Variants in EML5 observed in about 807,000 individuals in gnomAD.
The protein encoded by EML5 is echinoderm microtubule-associated protein-like 5.
In EML5, 120 loss-of-function variants were observed where a neutral mutation model predicts 250.0. That is an observed-to-expected ratio of 0.48 (90% CI 0.41 to 0.56). EML5 has a LOEUF of 0.56. EML5 is among the 20% of genes least tolerant of loss of function. The probability of loss-of-function intolerance (pLI) is 0.00; values close to 1 mark genes in which losing one functional copy is unlikely to be tolerated. For missense variants in EML5, 2,006 were observed against 2,437.6 expected (o/e 0.82, Z 3.73); for synonymous variants, 771 against 806.5 (o/e 0.96, Z 0.75).
rs931855973 is a variant in EML5, at chr14:88,620,610, A to G, written c.5375+144T>C. ...AAGAAGAATTAAGTAGTATACAAAC[A>G]GCCATATTTTAGCATACAATTTATA... On this transcript the variant is annotated intron_variant, in intron 39 of 43. Coordinates refer to ENST00000554922, the MANE Select transcript of EML5 (RefSeq NM_183387.3). This position sits in a 1 kb window ranked among gnomAD's most constrained non-coding sequence, Gnocchi z 4.3. 3 of 646,144 alleles carry G rather than the reference A, an allele frequency of 4.6e-6. No homozygotes were observed. The African/African-American group carries it at 5.7e-5, about 12-fold the overall frequency. The allele number at this position is 646,144 out of a possible 1,614,324, so 40.0% of individuals were successfully genotyped here.
chr14:88,639,001 T>C (rs1392328427), intron 31 of EML5, 94 bp from the exon 32 acceptor site: 29 of 917,590 alleles, frequency 3.2e-5, no homozygotes, highest in Non-Finnish European at 4.4e-5. Context: ...TTTAACTTAT[T>C]TGCTTATTCA....
At chr14:88,751,337 C>G (rs563763382) in intron 2 of EML5, among the ~76,000 whole-genome samples, 12 of 152,086 alleles carry the variant, frequency 7.9e-5, no homozygotes, top group Non-Finnish European at 1.3e-4. Flanking sequence ...GAGTCAGAGA[C>G]AGTTTGTAGA....
intron 7 of EML5, among the ~76,000 whole-genome samples, chr14:88,729,610 G>A (rs762355260): frequency 6.6e-5 from 10 of 151,218 alleles, no homozygotes; most frequent in Non-Finnish European, 1.5e-4. Flanking sequence ...CACCCAGGCT[G>A]TAGTGCTGGC....
At position 88,726,629 on chromosome 14, in the gene EML5, C is replaced by A; in HGVS notation, c.1099G>T (p.Glu367Ter). Residue 367 changes from glutamate to a stop codon, truncating the protein, a stop_gained, in exon 8 of 44, where the codon GAA becomes TAA. Transcript: ENST00000554922. LOFTEE classifies it high-confidence loss of function. ...TTGACAGCTGCACAACGAATTGGTT[C>A]TTCCATATTACACCTTGCTATTAAT... ...HALIARCNME[E>*]PIRCAAVNAD... 6.4e-7 allele frequency: 1 copy of A among 1,573,944 alleles called. No homozygotes were observed. Among genetic ancestry groups the A allele is most frequent in the Non-Finnish European group, 8.6e-7 (1 of 1,157,962 alleles).
intron 26 of EML5, 105 bp downstream of exon 26, chr14:88,658,082 T>C: frequency 4.4e-6 from 5 of 1,139,014 alleles, no homozygotes; most frequent in Non-Finnish European, 6.3e-6. Flanking sequence ...ACAGTACCAC[T>C]ACAATTATTC....
At chr14:88,747,619 G>C (rs974653085) in intron 2 of EML5, among the ~76,000 whole-genome samples, 4 of 152,022 alleles carry the variant, frequency 2.6e-5, no homozygotes, top group Admixed American at 2.0e-4. Flanking sequence ...TAAAATTAAG[G>C]ATTCAAAATA....
At chr14:88,693,109 ATTT>A (rs1217849889) in intron 17 of EML5, among the ~76,000 whole-genome samples, 8 of 152,146 alleles carry the variant, frequency 5.3e-5, no homozygotes, top group South Asian at 2.1e-4. Flanking sequence ...CATATGAGTA[ATTT>A]TTTTTAATTT....
At chr14:88,642,211 A>G (rs1262682330) in intron 31 of EML5, among the ~76,000 whole-genome samples, 1 of 152,178 alleles carries the variant, frequency 6.6e-6, no homozygotes, top group Non-Finnish European at 1.5e-5. Context: ...TAACTTTCAG[A>G]CTTTTATGAA....
intron 10 of EML5, among the ~76,000 whole-genome samples, chr14:88,706,930 T>C (rs1160771219): frequency 1.3e-5 from 2 of 152,202 alleles, no homozygotes; most frequent in Middle Eastern, 3.2e-3. Flanking sequence ...AAAAAGTCAA[T>C]CAATGTAATG....
At chr14:88,647,346 C>T (rs762344389) in intron 28 of EML5, among the ~76,000 whole-genome samples, 19 of 150,722 alleles carry the variant, frequency 1.3e-4, no homozygotes, top group Admixed American at 7.3e-4. Flanking sequence ...GCAGCCTGGG[C>T]GACAGAGCAC....
rs529726648 is a variant in EML5, at chr14:88,701,352, A to G, written c.2238+1094T>C. 3.3e-5 allele frequency among the ~76,000 whole-genome samples: 5 copies of G among 152,272 alleles called. No individual in the cohort carries two copies. In the South Asian group the frequency reaches 6.2e-4, roughly 19 times the overall value. On this transcript the variant is annotated intron_variant, in intron 14 of 43. Transcript: ENST00000554922. Reference sequence around the variant, plus strand: ...ACATCAATAGTGCTAAGGTATTGTCATAAATATAGATCAGAGAAGCTTCTC... The same window carrying G: ...ACATCAATAGTGCTAAGGTATTGTCGTAAATATAGATCAGAGAAGCTTCTC...
Position 88,643,028 on chromosome 14 carries a change from A to G in EML5, c.4108-6T>C. ...ATGAGCTCCAACACAAGGTCCTATAATGATAATAATAAAACCATTATATTC... is the reference window on the plus strand; with the variant it reads ...ATGAGCTCCAACACAAGGTCCTATAGTGATAATAATAAAACCATTATATTC... On this transcript the variant is annotated splice_polypyrimidine_tract_variant and splice_region_variant and intron_variant, in intron 30 of 43. Transcript: ENST00000554922. 6.4e-7 allele frequency: 1 copy of G among 1,566,576 alleles called. No homozygotes were observed. Among genetic ancestry groups the G allele is most frequent in the Non-Finnish European group, 8.6e-7 (1 of 1,165,794 alleles).
At chr14:88,766,039 G>A (rs911874816) in intron 1 of EML5, among the ~76,000 whole-genome samples, 1 of 152,110 alleles carries the variant, frequency 6.6e-6, no homozygotes, top group Admixed American at 6.5e-5. Context: ...AAGATTTAAT[G>A]GACATTTATC....
chr14:88,777,231 C>T (rs2094455439), intron 1 of EML5, among the ~76,000 whole-genome samples: 1 of 132,358 alleles, frequency 7.6e-6, no homozygotes, highest in Non-Finnish European at 1.5e-5. Flanking sequence ...TCCAATACAT[C>T]TGGCAGAAGA....
In EML5 at chr14:88,612,928, T is replaced by C. The variant is rs921278488; in HGVS notation, c.*2890A>G. 2 of 150,824 alleles carry C rather than the reference T, an allele frequency of 1.3e-5. No homozygotes were observed. Among genetic ancestry groups the C allele is most frequent in the African/African-American group, 4.9e-5 (2 of 40,822 alleles). The allele number at this position is 150,824 out of a possible 1,614,324, so 9.3% of individuals were successfully genotyped here. A position where few individuals can be genotyped will look rare whatever the true frequency, so the allele number is the denominator to read the frequency against. ...AAAGGTGGTTAGAAAAGTGGATTAA[T>C]GCAAAAGGGGTAATAAAGACTGCAA... On this transcript the variant is annotated 3_prime_UTR_variant, in exon 44 of 44. Coordinates refer to ENST00000554922, the MANE Select transcript of EML5 (RefSeq NM_183387.3).
rs190312249 is a variant in EML5, at chr14:88,751,581, G to A, written c.357+2931C>T. On this transcript the variant is annotated intron_variant, in intron 2 of 43. Coordinates refer to ENST00000554922, the MANE Select transcript of EML5 (RefSeq NM_183387.3). ...GAATTCAGTTTTAAATGTAGAAAAT[G>A]GAATATCTACAGAACATTCAAGTGT... 6.1e-4 allele frequency among the ~76,000 whole-genome samples: 92 copies of A among 151,574 alleles called. 1 individual carries two copies. The East Asian group carries it at 0.016, about 26-fold the overall frequency.
intron 27 of EML5, among the ~76,000 whole-genome samples, chr14:88,652,268 A>C (rs1166017394): frequency 6.6e-6 from 1 of 152,124 alleles, no homozygotes; most frequent in Admixed American, 6.6e-5. Context: ...TCTGAGGTAC[A>C]TGAGGTATAC....
At position 88,712,289 on chromosome 14, in the gene EML5, A is replaced by G. The variant is rs1462187610; in HGVS notation, c.1639T>C (p.Tyr547His). 1.9e-6 allele frequency: 3 copies of G among 1,609,000 alleles called. No homozygotes were observed. Among genetic ancestry groups the G allele is most frequent in the African/African-American group, 2.7e-5 (2 of 74,784 alleles). Residue 547 changes from tyrosine to histidine, a missense_variant, in exon 10 of 44, where the codon TAT (tyrosine) becomes CAT (histidine). Tyr to His is a moderately conservative substitution (Grantham distance 83, BLOSUM62 2). Transcript: ENST00000554922. ...AAGGTACCTTTTCTTAAACATGGAT[A>G]TCGGAATAATTTTATAATTCCATAG... Reference protein sequence around the residue: ...DDYGIIKLFRYPCLRKGAKFR... With the variant: ...DDYGIIKLFRHPCLRKGAKFR...
chr14:88,733,911 C>T (rs2093799116), intron 7 of EML5, among the ~76,000 whole-genome samples: 1 of 151,672 alleles, frequency 6.6e-6, no homozygotes, highest in Non-Finnish European at 1.5e-5. Flanking sequence ...ATGATACAAT[C>T]CTAGAAGTCA....
Sources: allele counts gnomAD v4.1 joint callset (sites outside exome capture counted in the v4.1 genomes callset), GRCh38; gene constraint gnomAD v4.1.1; non-coding constraint Gnocchi (gnomAD v3.1); transcripts MANE v1.5; gene names NCBI Gene and HGNC (gene_info 2026-07-23, HGNC 2026-07-21).